FBXL4: variants seen among roughly 807,000 people sequenced by gnomAD.
The protein encoded by FBXL4 is F-box and leucine rich repeat protein 4, also known as F-box/LRR-repeat protein 4.
FBXL4 carries 40 observed loss-of-function variants against 58.9 expected under a neutral mutation model. That is an observed-to-expected ratio of 0.68 (90% CI 0.53 to 0.88). FBXL4 has a LOEUF of 0.88. Ranked by LOEUF, FBXL4 falls within the 40% of genes least tolerant of loss-of-function variation. The probability of loss-of-function intolerance (pLI) is 0.00; values close to 1 mark genes in which losing one functional copy is unlikely to be tolerated. For synonymous variants in FBXL4, 263 were observed against 265.5 expected (o/e 0.99, Z 0.09); for missense variants, 676 against 734.4 (o/e 0.92, Z 0.92).
chr6:98,940,616 T>C (rs1398427619), intron 1 of FBXL4, among the ~76,000 whole-genome samples: 1 of 152,196 alleles, frequency 6.6e-6, no homozygotes, highest in South Asian at 2.1e-4. Context: ...GTCTATTTTC[T>C]AATCTTTTTT....
chr6:98,898,955 A>T (rs1308142059), intron 7 of FBXL4: 2 of 985,226 alleles, frequency 2.0e-6, no homozygotes, highest in Non-Finnish European at 2.4e-6. Flanking sequence ...TTATCCTCCT[A>T]CCTTTCTCTA....
intron 7 of FBXL4, among the ~76,000 whole-genome samples, chr6:98,897,917 G>A (rs772886415): frequency 9.2e-5 from 14 of 152,064 alleles, no homozygotes; most frequent in Non-Finnish European, 1.5e-4. Context: ...TTTACTGAAT[G>A]GCCAATCTTT....
Position 98,899,255 on chromosome 6 carries a change from G to C in FBXL4, c.1317+13C>G. On this transcript the variant is annotated intron_variant, in intron 7 of 9. Transcript: ENST00000369244. ...CCATAATAGCAATGATGAAAATTAT[G>C]AATTACTCTCACCTCTACTTTTGTT... The C allele has an allele frequency of 6.2e-7, 1 of 1,611,382 alleles. No individual in the cohort carries two copies.
intron 4 of FBXL4, among the ~76,000 whole-genome samples, chr6:98,919,722 C>A (rs944686297): frequency 3.9e-5 from 6 of 152,180 alleles, no homozygotes; most frequent in African/African-American, 1.4e-4. Flanking sequence ...TGCTAGGGAA[C>A]AGAAGCATGA....
chr6:98,926,304 A>T (rs1011675), intron 4 of FBXL4, among the ~76,000 whole-genome samples, 173 bp downstream of exon 4: 3 of 151,954 alleles, frequency 2.0e-5, no homozygotes, highest in African/African-American at 7.3e-5. Context: ...ATAAAGCCTG[A>T]ATTAAATCTT....
chr6:98,945,991 T>G lies in FBXL4; in HGVS notation c.-309+1815A>C, dbSNP rs573352607. Among the ~76,000 whole-genome samples, 6 of 152,248 alleles carry G rather than the reference T, an allele frequency of 3.9e-5. No individual in the cohort carries two copies. The East Asian group carries it at 1.2e-3, about 29-fold the overall frequency. ...AATCTCAATAACTGGCAGGAAAATT[T>G]TAAAGGGGGGAGGGAGGCAAGAGGT... On this transcript the variant is annotated intron_variant, in intron 1 of 9. Transcript: ENST00000369244.
chr6:98,936,543 C>T (rs1000203915), intron 1 of FBXL4, among the ~76,000 whole-genome samples: 9 of 152,124 alleles, frequency 5.9e-5, no homozygotes, highest in East Asian at 5.8e-4. Flanking sequence ...TTTAACATGA[C>T]GACAATGAGG....
chr6:98,899,563 T>C (rs1437691401), intron 6 of FBXL4, 82 bp from the exon 7 acceptor site: 12 of 1,415,190 alleles, frequency 8.5e-6, no homozygotes, highest in Non-Finnish European at 1.0e-5. Context: ...CAACTCTAAG[T>C]AGATACATTT....
intron 7 of FBXL4, among the ~76,000 whole-genome samples, chr6:98,881,132 C>T (rs1251504646): frequency 6.6e-6 from 1 of 152,116 alleles, no homozygotes; most frequent in African/African-American, 2.4e-5. Flanking sequence ...ACTTTAATGT[C>T]AAAGGATTCT....
chr6:98,939,075 C>CAAAAAAA (rs3068704), intron 1 of FBXL4, among the ~76,000 whole-genome samples: 5 of 25,234 alleles, frequency 2.0e-4, no homozygotes, highest in East Asian at 1.3e-3. Context: ...GACCTTGTCT[C>CAAAAAAA]AAAAAAAAAA....
intron 7 of FBXL4, among the ~76,000 whole-genome samples, chr6:98,889,790 G>A (rs557560137): frequency 1.6e-3 from 236 of 151,940 alleles, no homozygotes; most frequent in Admixed American, 3.9e-3. Flanking sequence ...GTGCCATTCA[G>A]TTATAAAGAA....
chr6:98,882,013 T>C (rs1770872267), intron 7 of FBXL4, among the ~76,000 whole-genome samples: 1 of 152,070 alleles, frequency 6.6e-6, no homozygotes, highest in Non-Finnish European at 1.5e-5. Flanking sequence ...CCAGAGAATA[T>C]TAGAATTTTT....
At chr6:98,919,220 A>G (rs1296445196) in intron 4 of FBXL4, among the ~76,000 whole-genome samples, 2 of 152,196 alleles carry the variant, frequency 1.3e-5, no homozygotes, top group African/African-American at 4.8e-5. Flanking sequence ...CTTCAGGAAT[A>G]AAAGCAAACT....
intron 4 of FBXL4, among the ~76,000 whole-genome samples, chr6:98,924,384 C>T (rs998303037): frequency 6.6e-6 from 1 of 152,076 alleles, no homozygotes; most frequent in African/African-American, 2.4e-5. Context: ...TGGTGAAACC[C>T]CATCTCTATT....
chr6:98,927,350 AAG>A (rs1401210406), intron 3 of FBXL4, among the ~76,000 whole-genome samples: 3 of 152,218 alleles, frequency 2.0e-5, no homozygotes, highest in Non-Finnish European at 4.4e-5. Flanking sequence ...ACCATCACTC[AAG>A]AAATACTAAG....
rs557374161 is a variant in FBXL4 at position 98,872,111 on chromosome 6, C to T, written c.*2167G>A. The T allele has an allele frequency of 1.3e-5, 2 of 152,140 alleles. No homozygotes were observed. The highest frequency in any genetic ancestry group is 2.4e-5 in the African/African-American group (1 of 41,420). 9.4% of individuals were successfully genotyped at this position (152,140 alleles called of 1,614,324 possible). On this transcript the variant is annotated 3_prime_UTR_variant, in exon 10 of 10. Transcript: ENST00000369244. ...GCTATCAAAAGGTAAGACAAAGAAG[C>T]GAGATCTCCACTCTCACACAAATTT...
chr6:98,883,440 C>G (rs778779416), intron 7 of FBXL4, among the ~76,000 whole-genome samples: 1 of 151,850 alleles, frequency 6.6e-6, no homozygotes, highest in Non-Finnish European at 1.5e-5. Flanking sequence ...ATTAAATGTG[C>G]CATTAATCCT....
intron 1 of FBXL4, among the ~76,000 whole-genome samples, chr6:98,942,644 A>C (rs1341271556): frequency 6.6e-6 from 1 of 152,074 alleles, no homozygotes; most frequent in Non-Finnish European, 1.5e-5. Context: ...AGATGACAGC[A>C]CCATGCTTCC....
At chr6:98,916,351 G>C (rs1301400113) in intron 5 of FBXL4, among the ~76,000 whole-genome samples, 1 of 152,078 alleles carries the variant, frequency 6.6e-6, no homozygotes, top group African/African-American at 2.4e-5. Flanking sequence ...CATGCTGCTA[G>C]AAAGACACAT....
Sources: allele counts gnomAD v4.1 joint callset (sites outside exome capture counted in the v4.1 genomes callset), GRCh38; gene constraint gnomAD v4.1.1; transcripts MANE v1.5; gene names NCBI Gene and HGNC (gene_info 2026-07-23, HGNC 2026-07-21).